Variants in EHBP1 observed in about 807,000 individuals in gnomAD.
EHBP1 encodes EH domain binding protein 1, also known as EH domain-binding protein 1.
EHBP1 carries 55 observed loss-of-function variants against 144.0 expected under a neutral mutation model. The observed-to-expected ratio is 0.38, with a 90% CI of 0.31 to 0.48. EHBP1 has a LOEUF of 0.48. Ranked by LOEUF, EHBP1 falls within the 20% of genes least tolerant of loss-of-function variation. EHBP1 has a pLI of 0.98. For missense variants in EHBP1, 1,200 were observed against 1,364.2 expected (o/e 0.88, Z 1.90); for synonymous variants, 469 against 472.7 (o/e 0.99, Z 0.10).
chr2:62,859,301 T>C lies in EHBP1; in HGVS notation c.757+10T>C. On this transcript the variant is annotated intron_variant, in intron 8 of 22. Coordinates refer to ENST00000431489, the MANE Select transcript of EHBP1 (RefSeq NM_001142616.3). Reference sequence around the variant, plus strand: ...GATCCTGACTCAGAAGGTAGCAAGTTTTTCTGTAATTTTAAAGTCTTTGTA... The same window carrying C: ...GATCCTGACTCAGAAGGTAGCAAGTCTTTCTGTAATTTTAAAGTCTTTGTA... 6.3e-7 allele frequency: 1 copy of C among 1,593,012 alleles called. No homozygotes were observed. Among genetic ancestry groups the C allele is most frequent in the East Asian group, 2.3e-5 (1 of 44,420 alleles).
intron 5 of EHBP1, among the ~76,000 whole-genome samples, chr2:62,795,467 T>C (rs1330717556): frequency 6.6e-6 from 1 of 152,112 alleles, no homozygotes; most frequent in African/African-American, 2.4e-5. Flanking sequence ...TAAGTAGGTA[T>C]TCTCTGCTTA....
chr2:62,736,526 T>G (rs2038156866), intron 2 of EHBP1, among the ~76,000 whole-genome samples: 1 of 152,084 alleles, frequency 6.6e-6, no homozygotes, highest in Non-Finnish European at 1.5e-5. Context: ...GCCCAGCCCC[T>G]CTTTGATTTT....
At chr2:62,852,760 T>C (rs1360841653) in intron 7 of EHBP1, among the ~76,000 whole-genome samples, 1 of 152,160 alleles carries the variant, frequency 6.6e-6, no homozygotes, top group African/African-American at 2.4e-5. Context: ...TCCATTATAT[T>C]TTTCCTAAAA....
At chr2:62,836,311 GA>G (rs1475775139) in intron 7 of EHBP1, among the ~76,000 whole-genome samples, 6 of 150,324 alleles carry the variant, frequency 4.0e-5, no homozygotes, top group South Asian at 2.1e-4. Context: ...CTAACAAACA[GA>G]AAGGACATCC....
At chr2:62,868,672 G>A (rs1446793057) in intron 9 of EHBP1, among the ~76,000 whole-genome samples, 2 of 152,216 alleles carry the variant, frequency 1.3e-5, no homozygotes, top group Non-Finnish European at 2.9e-5. Flanking sequence ...GGGAGGCCAG[G>A]TGCAGTGGTT....
At chr2:62,898,833 T>C (rs2053162053) in intron 10 of EHBP1, among the ~76,000 whole-genome samples, 1 of 152,092 alleles carries the variant, frequency 6.6e-6, no homozygotes, top group Non-Finnish European at 1.5e-5. Context: ...GGCTCGGCCT[T>C]TAATAGAGAA....
intron 7 of EHBP1, among the ~76,000 whole-genome samples, chr2:62,854,686 A>G (rs2048910915): frequency 6.6e-6 from 1 of 152,218 alleles, no homozygotes; most frequent in Non-Finnish European, 1.5e-5. Context: ...TTAAGTAGTA[A>G]CAGCAAAGAT....
intron 9 of EHBP1, 109 bp downstream of exon 9, chr2:62,865,080 T>G: frequency 8.1e-7 from 1 of 1,236,838 alleles, no homozygotes; most frequent in Non-Finnish European, 1.1e-6. Context: ...GTACACTTTA[T>G]AAGTCAGTAT....
intron 8 of EHBP1, among the ~76,000 whole-genome samples, chr2:62,860,841 A>C (rs2049465821): frequency 6.6e-6 from 1 of 152,196 alleles, no homozygotes; most frequent in South Asian, 2.1e-4. Context: ...TATGAAGAAG[A>C]AGTAAGCCAG....
At chr2:62,739,107 T>A (rs1161271408) in intron 2 of EHBP1, among the ~76,000 whole-genome samples, 1 of 152,244 alleles carries the variant, frequency 6.6e-6, no homozygotes. Context: ...ACATTGGTCC[T>A]GTATTCTTAT....
intron 5 of EHBP1, among the ~76,000 whole-genome samples, chr2:62,816,721 C>T (rs2045478467): frequency 1.3e-5 from 2 of 152,146 alleles, no homozygotes; most frequent in Non-Finnish European, 2.9e-5. Flanking sequence ...GCTCTATTGT[C>T]TCCTGACTCT....
intron 13 of EHBP1, among the ~76,000 whole-genome samples, chr2:62,954,689 CTTA>C (rs1347212465): frequency 1.6e-4 from 25 of 152,074 alleles, no homozygotes; most frequent in Non-Finnish European, 3.7e-4. Context: ...AATAGCTACA[CTTA>C]TTTTCTTTTC....
chr2:62,889,959 ATT>A (rs1161025322), intron 10 of EHBP1, among the ~76,000 whole-genome samples: 36 of 129,424 alleles, frequency 2.8e-4, no homozygotes, highest in African/African-American at 5.6e-4. Context: ...TTCCATATGA[ATT>A]TTTTTTTTTT....
intron 14 of EHBP1, among the ~76,000 whole-genome samples, chr2:62,972,472 G>C (rs1170185959): frequency 6.6e-6 from 1 of 152,082 alleles, no homozygotes; most frequent in African/African-American, 2.4e-5. Context: ...AAATGAACTA[G>C]TTTTACTTAT....
intron 6 of EHBP1, chr2:62,826,484 G>T (rs997088189): frequency 2.5e-6 from 1 of 394,640 alleles, no homozygotes; most frequent in South Asian, 6.8e-5. Context: ...GAGCACAGCT[G>T]GTTTCAAAAT....
At chr2:62,822,213 T>C (rs2046035681) in intron 5 of EHBP1, among the ~76,000 whole-genome samples, 1 of 152,186 alleles carries the variant, frequency 6.6e-6, no homozygotes, top group African/African-American at 2.4e-5. Context: ...CCCTTTATGC[T>C]CATGTACAGA....
At chr2:62,843,383 A>C (rs1412576855) in intron 7 of EHBP1, among the ~76,000 whole-genome samples, 2 of 152,166 alleles carry the variant, frequency 1.3e-5, no homozygotes, top group African/African-American at 4.8e-5. Flanking sequence ...GGGCACACAT[A>C]ATTGAAAGCT....
At chr2:62,739,719 G>A (rs1429178700) in intron 2 of EHBP1, among the ~76,000 whole-genome samples, 2 of 151,968 alleles carry the variant, frequency 1.3e-5, no homozygotes, top group Admixed American at 1.3e-4. Flanking sequence ...GAGGCAGGAG[G>A]ATCACTTGAA....
intron 7 of EHBP1, among the ~76,000 whole-genome samples, chr2:62,842,551 T>G (rs182005724): frequency 6.6e-6 from 1 of 152,260 alleles, no homozygotes; most frequent in Non-Finnish European, 1.5e-5. Flanking sequence ...ATACCTATCC[T>G]TCAAAATTTA....
Sources: allele counts gnomAD v4.1 joint callset (sites outside exome capture counted in the v4.1 genomes callset), GRCh38; gene constraint gnomAD v4.1.1; transcripts MANE v1.5; gene names NCBI Gene and HGNC (gene_info 2026-07-23, HGNC 2026-07-21).